The following MAP3K9 variants were observed in gnomAD, a reference collection of about 807,000 sequenced individuals.
MAP3K9 encodes the protein mixed lineage kinase 1 (tyr and ser/thr specificity).
A neutral mutation model predicts 95.8 loss-of-function variants in MAP3K9; 46 were observed. The ratio of observed to expected loss-of-function variants is 0.48; its 90% confidence interval spans 0.38 to 0.61. The LOEUF (loss-of-function observed/expected upper bound fraction) is 0.61, where lower values mean the gene tolerates loss of function less well. MAP3K9 is among the 20% of genes least tolerant of loss of function. The pLI is 0.00. For missense variants in MAP3K9, 1,296 were observed against 1,474.3 expected (o/e 0.88, Z 1.98); for synonymous variants, 533 against 593.8 (o/e 0.90, Z 1.49).
intron 11 of MAP3K9, among the ~76,000 whole-genome samples, chr14:70,731,122 T>C (rs2053896883): frequency 7.4e-6 from 1 of 135,344 alleles, no homozygotes; most frequent in Non-Finnish European, 1.7e-5. Flanking sequence ...TGTTGGCAAA[T>C]GACACACAAG....
In MAP3K9 at chr14:70,734,493, T is replaced by C. The variant is rs2053957418; in HGVS notation, c.1919A>G (p.Lys640Arg). The C allele has an allele frequency of 2.5e-6, 4 of 1,591,196 alleles. No individual in the cohort carries two copies. Among genetic ancestry groups the C allele is most frequent in the Non-Finnish European group, 2.6e-6 (3 of 1,161,544 alleles). The change falls in exon 10 of 12, where the codon AAG becomes AGG. Residue 640 changes from lysine (K) to arginine (R), a missense_variant. By Grantham distance (26) the Lys-to-Arg change is conservative. Coordinates refer to ENST00000554752, the MANE Select transcript of MAP3K9 (RefSeq NM_001284230.2). Reference sequence around the variant, plus strand: ...CTGCTTATATCCATCTACCAGGGACTTGAGGCTGAATCAGAGGAAAAGAGG... The same window carrying C: ...CTGCTTATATCCATCTACCAGGGACCTGAGGCTGAATCAGAGGAAAAGAGG... The part of the protein sequence containing the change: ...SESPHFHLGL[K>R]SLVDGYKQWS...
intron 2 of MAP3K9, among the ~76,000 whole-genome samples, chr14:70,763,118 GAC>G (rs1432832238): frequency 6.6e-6 from 1 of 152,192 alleles, no homozygotes; most frequent in Non-Finnish European, 1.5e-5. Flanking sequence ...TTCTACCACT[GAC>G]AAACAGCTGT....
chr14:70,748,086 G>A (rs189570186), intron 5 of MAP3K9, among the ~76,000 whole-genome samples: 48 of 135,280 alleles, frequency 3.5e-4, no homozygotes, highest in African/African-American at 1.3e-3. Flanking sequence ...CAGCCTGGGC[G>A]ACAGAGCGAG....
chr14:70,776,762 T>A (rs75383139), intron 2 of MAP3K9, among the ~76,000 whole-genome samples: 1 of 150,696 alleles, frequency 6.6e-6, no homozygotes, highest in Non-Finnish European at 1.5e-5. Context: ...TAAAAAAAAA[T>A]CCTCTCCCAT....
rs2053800017 is a variant in MAP3K9, at chr14:70,724,925, C to T, written c.*5455G>A. The T allele has an allele frequency of 1.3e-5, 2 of 152,230 alleles. No homozygotes were observed. Among genetic ancestry groups the T allele is most frequent in the Non-Finnish European group, 2.9e-5 (2 of 68,050 alleles). 9.4% of individuals were successfully genotyped at this position (152,230 alleles called of 1,614,324 possible). ...ATCCTGAGACACCTAACTAGTTAGA[C>T]ACCTATCTCGATAGACACCTGTCAT... On this transcript the variant is annotated 3_prime_UTR_variant, in exon 12 of 12. Coordinates refer to ENST00000554752, the MANE Select transcript of MAP3K9 (RefSeq NM_001284230.2).
rs137860337 is a variant in MAP3K9 at position 70,771,625 on chromosome 14, T to G, written c.821-10443A>C. Among the ~76,000 whole-genome samples the G allele has an allele frequency of 9.9e-3, 1,499 of 152,116 alleles. 11 individuals are homozygous for G. Among genetic ancestry groups the G allele is most frequent in the African/African-American group, 0.027 (1,129 of 41,500 alleles). On this transcript the variant is annotated intron_variant, in intron 2 of 11. Coordinates refer to ENST00000554752, the MANE Select transcript of MAP3K9 (RefSeq NM_001284230.2). ...TTCACCAGGCCCCCATTTCCCTACC[T>G]CTGACATTCCTGGAGTCTGTAACTC... is the stretch of plus-strand genomic sequence containing the variant.
Position 70,733,305 on chromosome 14 carries a change from A to G in MAP3K9, c.2064T>C (p.Ser688=), listed in dbSNP as rs769113642. The change falls in exon 11 of 12, where the codon AGT becomes AGC. Residue 688 remains serine, a synonymous_variant. Transcript: ENST00000554752. ...ACTGGCTGGGTGAATGCTGTAGGCG[A>G]CTCTCTCCACTCCCTGGGCCTTCAC... ...EDSEGPGSGE[S]RLQHSPSQSY... is the part of the protein sequence containing the mutation. The G allele has an allele frequency of 1.3e-6, 2 of 1,548,026 alleles. No homozygotes were observed. The highest frequency in any genetic ancestry group is 1.8e-6 in the Non-Finnish European group (2 of 1,129,186).
At chr14:70,743,596 T>C (rs2054105761) in intron 5 of MAP3K9, among the ~76,000 whole-genome samples, 1 of 151,470 alleles carries the variant, frequency 6.6e-6, no homozygotes, top group South Asian at 2.1e-4. Flanking sequence ...CCAACAAACA[T>C]ATGAAAGAAA....
At chr14:70,753,667 C>A (rs1178217248) in intron 3 of MAP3K9, among the ~76,000 whole-genome samples, 1 of 152,178 alleles carries the variant, frequency 6.6e-6, no homozygotes, top group Admixed American at 6.5e-5. Context: ...CTGAGTACCT[C>A]CCCGCAACAC....
intron 8 of MAP3K9, 90 bp from the exon 9 acceptor site, chr14:70,736,119 C>G: frequency 1.8e-6 from 1 of 563,666 alleles, no homozygotes; most frequent in South Asian, 1.9e-5. Context: ...GCTGGATTCA[C>G]ACCACATCGC....
rs2053863079 is a variant in MAP3K9, at chr14:70,729,369, C to G, written c.*1011G>C. 6.6e-6 allele frequency: 1 copy of G among 152,180 alleles called. No homozygotes were observed. The highest frequency in any genetic ancestry group is 6.6e-5 in the Admixed American group (1 of 15,260). The allele number at this position is 152,180 out of a possible 1,614,324, so 9.4% of individuals were successfully genotyped here. A position where few individuals can be genotyped will look rare whatever the true frequency, so the allele number is the denominator to read the frequency against. The stretch of plus-strand genomic sequence containing the variant: ...GGGCATTGCGGTGATATCTACTAAC[C>G]AAACATAACCAAAAGCCCACAAACT... On this transcript the variant is annotated 3_prime_UTR_variant, in exon 12 of 12. Transcript: ENST00000554752.
chr14:70,753,774 C>T (rs1408844624), intron 3 of MAP3K9, among the ~76,000 whole-genome samples: 1 of 152,174 alleles, frequency 6.6e-6, no homozygotes, highest in African/African-American at 2.4e-5. Context: ...TAATAATTAA[C>T]CACCTCCCGA....
chr14:70,778,275 TA>T (rs1429094497), intron 2 of MAP3K9, among the ~76,000 whole-genome samples: 9 of 86,182 alleles, frequency 1.0e-4, no homozygotes, highest in Admixed American at 3.6e-4. Context: ...CACGCCCAGC[TA>T]TTTTTTTTTT....
At chr14:70,771,267 G>A (rs142610045) in intron 2 of MAP3K9, among the ~76,000 whole-genome samples, 59 of 152,232 alleles carry the variant, frequency 3.9e-4, no homozygotes, top group African/African-American at 1.2e-3. Flanking sequence ...CCCTAGCATA[G>A]AACTGTGCCT....
At chr14:70,760,094 C>T (rs76130022) in intron 3 of MAP3K9, among the ~76,000 whole-genome samples, 1,654 of 151,010 alleles carry the variant, frequency 0.011, 21 homozygotes, top group Non-Finnish European at 0.018. Context: ...ATTAGCTTTA[C>T]GGTATGTGAA....
In MAP3K9 at chr14:70,724,428, C is replaced by T. The variant is rs932059160; in HGVS notation, c.*5952G>A. ...GGGAAGGGCAAGTAAAAATTTAAAA[C>T]GTATTTCACAGTGGTACCTAAGCCC... On this transcript the variant is annotated 3_prime_UTR_variant, in exon 12 of 12. Transcript: ENST00000554752. 3.9e-5 allele frequency: 6 copies of T among 152,114 alleles called. No individual in the cohort carries two copies. The highest frequency in any genetic ancestry group is 1.3e-4 in the Admixed American group (2 of 15,270). 9.4% of individuals were successfully genotyped at this position (152,114 alleles called of 1,614,324 possible). A position where few individuals can be genotyped will look rare whatever the true frequency, so the allele number is the denominator to read the frequency against.
intron 2 of MAP3K9, among the ~76,000 whole-genome samples, chr14:70,773,513 C>T (rs142648723): frequency 3.3e-5 from 5 of 152,196 alleles, no homozygotes; most frequent in Non-Finnish European, 7.3e-5. Context: ...CCCACAATTG[C>T]AAGATGGGCA....
chr14:70,792,198 A>G (rs1021045789), intron 2 of MAP3K9, among the ~76,000 whole-genome samples: 21 of 152,240 alleles, frequency 1.4e-4, no homozygotes, highest in African/African-American at 4.3e-4. Context: ...GGTGGCTGCT[A>G]GCTAACCTCT....
rs140399202 is a variant in MAP3K9, at chr14:70,757,432, G to A, written c.1001+3570C>T. 3.4e-3 allele frequency among the ~76,000 whole-genome samples: 477 copies of A among 141,448 alleles called. 2 individuals are homozygous for A. The highest frequency in any genetic ancestry group is 8.8e-3 in the Middle Eastern group (2 of 228). The allele number at this position is 141,448 out of a possible 152,430, so 92.8% of individuals were successfully genotyped here. The stretch of plus-strand genomic sequence containing the variant: ...GCCATGATTACACCACTGCACTCCA[G>A]CTCAAGCAATTGAGACCCTGTCCGA... On this transcript the variant is annotated intron_variant, in intron 3 of 11. Coordinates refer to ENST00000554752, the MANE Select transcript of MAP3K9 (RefSeq NM_001284230.2).
Sources: gnomAD v4.1 joint callset for allele counts (sites outside exome capture counted in the v4.1 genomes callset) on GRCh38, gnomAD v4.1.1 for gene constraint, MANE v1.5 for transcripts, NCBI Gene and HGNC (gene_info 2026-07-23, HGNC 2026-07-21) for gene names.